Variants in NPHP4 observed in about 807,000 individuals in gnomAD.
The protein encoded by NPHP4 is nephrocystin 4.
Under a neutral mutation model 155.8 loss-of-function variants are expected in NPHP4, and 151 were observed. That is an observed-to-expected ratio of 0.97 (90% CI 0.85 to 1.11). The LOEUF (loss-of-function observed/expected upper bound fraction) is 1.11, where lower values mean the gene tolerates loss of function less well. NPHP4 is among the 50% of genes least tolerant of loss of function. NPHP4 has a pLI of 0.00. For synonymous variants in NPHP4, 845 were observed against 816.8 expected (o/e 1.03, Z -0.59); for missense variants, 1,956 against 1,925.7 (o/e 1.02, Z -0.29).
chr1:5,948,015 T>TCATC, intron 8 of NPHP4, 55 bp downstream of exon 8: 1 of 1,386,418 alleles, frequency 7.2e-7, no homozygotes. Flanking sequence ...TGACCTCATT[T>TCATC]CATCGTGATC....
At chr1:5,907,911 T>C (rs1049180782) in intron 12 of NPHP4, among the ~76,000 whole-genome samples, 15 of 152,200 alleles carry the variant, frequency 9.9e-5, no homozygotes, top group African/African-American at 1.7e-4. Context: ...CTGCAGATAT[T>C]TGGAAATGAG....
At chr1:5,990,650 T>C (rs1353012465) in intron 1 of NPHP4, among the ~76,000 whole-genome samples, 1 of 152,174 alleles carries the variant, frequency 6.6e-6, no homozygotes, top group Non-Finnish European at 1.5e-5. Context: ...TATAACTAGC[T>C]ATTATAATAG....
rs569603490 is a variant in NPHP4, at chr1:5,889,079, G to T, written c.2305-1613C>A. On this transcript the variant is annotated intron_variant, in intron 17 of 29. Coordinates refer to ENST00000378156, the MANE Select transcript of NPHP4 (RefSeq NM_015102.5). This position sits in a 1 kb window ranked among gnomAD's most constrained non-coding sequence, Gnocchi z 4.2. ...ACTGAAGGCAGCACAGGAGCCGTCC[G>T]TCCCTAGAGGAAACTCTTCTCATCG... 6.6e-5 allele frequency among the ~76,000 whole-genome samples: 10 copies of T among 152,180 alleles called. No homozygotes were observed. Among genetic ancestry groups the T allele is most frequent in the African/African-American group, 2.2e-4 (9 of 41,416 alleles).
intron 18 of NPHP4, among the ~76,000 whole-genome samples, chr1:5,886,252 T>G (rs957079305): frequency 2.0e-5 from 3 of 152,242 alleles, no homozygotes; most frequent in Admixed American, 1.3e-4. Flanking sequence ...GTGTCCATAT[T>G]GTCTATTTAC....
chr1:5,905,337 CA>C lies in NPHP4; in HGVS notation c.1909del (p.Cys637ValfsTer63). On this transcript the variant is annotated frameshift_variant, in exon 15 of 30. Coordinates refer to ENST00000378156, the MANE Select transcript of NPHP4 (RefSeq NM_015102.5). LOFTEE classifies it high-confidence loss of function. This position sits in a 1 kb window ranked among gnomAD's most constrained non-coding sequence, Gnocchi z 4.0. ...TFNPQKEESDCLQSNEMVLQF... is the reference protein window; with the variant it reads ...TFNPQKEESDXLQSNEMVLQF... ...TAGCACCATCTCGTTGCTTTGTAGACAATCTGATTCTTCCTTCTGAGGGTTA... is the reference window on the plus strand; with the variant it reads ...TAGCACCATCTCGTTGCTTTGTAGACATCTGATTCTTCCTTCTGAGGGTTA... 6.2e-7 allele frequency: 1 copy of C among 1,613,940 alleles called. No homozygotes were observed. Among genetic ancestry groups the C allele is most frequent in the South Asian group, 1.1e-5 (1 of 91,080 alleles).
rs748205454 is a variant in NPHP4, at chr1:5,888,600, T to G, written c.2305-1134A>C. On this transcript the variant is annotated intron_variant, in intron 17 of 29. Transcript: ENST00000378156. ...CAGTCACTGGGAGACTGAGAAGATA[T>G]GAGAAGTCTCCTTTAGGGAACAGCC... 4 of 1,351,054 alleles carry G rather than the reference T, an allele frequency of 3.0e-6. No individual in the cohort carries two copies. The African/African-American group carries it at 5.9e-5, about 20-fold the overall frequency. 83.7% of individuals were successfully genotyped at this position (1,351,054 alleles called of 1,614,324 possible).
intron 1 of NPHP4, among the ~76,000 whole-genome samples, chr1:5,988,176 C>A (rs1046794638): frequency 6.6e-6 from 1 of 152,252 alleles, no homozygotes; most frequent in Non-Finnish European, 1.5e-5. Context: ...ACGAAGAGTT[C>A]ATTCACATGG....
rs114545322 is a variant in NPHP4, at chr1:5,877,186, C to T, written c.2724G>A (p.Ser908=). The T allele has an allele frequency of 5.4e-3, 8,677 of 1,603,148 alleles. 369 individuals carry two copies. The African/African-American group carries it at 0.098, about 18-fold the overall frequency. Residue 908 remains serine (S), a synonymous_variant, in exon 20 of 30, where the codon TCG becomes TCA. Coordinates refer to ENST00000378156, the MANE Select transcript of NPHP4 (RefSeq NM_015102.5). ...CCAGCTTACGCCTGCGGGTGGCATC[C>T]GACTCGCGGCTGACGTCCTGGGGCC... The part of the protein sequence containing the change: ...GKGPQDVSRE[S]DATRRRKLER...
At chr1:5,969,332 C>T in intron 3 of NPHP4, 73 bp from the exon 4 acceptor site, 3 of 976,580 alleles carry the variant, frequency 3.1e-6, no homozygotes, top group Non-Finnish European at 4.4e-6. Context: ...GCTGTCCCCA[C>T]CCCCGAGACC....
At chr1:5,933,064 A>G (rs1646358436) in intron 10 of NPHP4, 83 bp downstream of exon 10, 3 of 1,127,802 alleles carry the variant, frequency 2.7e-6, no homozygotes, top group East Asian at 2.4e-5. Context: ...ATCTGCAAAC[A>G]TATTTGTGAA....
chr1:5,915,525 A>C (rs1645426860), intron 11 of NPHP4, among the ~76,000 whole-genome samples: 1 of 152,152 alleles, frequency 6.6e-6, no homozygotes, highest in Non-Finnish European at 1.5e-5. Flanking sequence ...AATGAACAAA[A>C]CCTAAGCAGA....
chr1:5,901,166 C>A (rs959669669), intron 16 of NPHP4, among the ~76,000 whole-genome samples: 6 of 152,112 alleles, frequency 3.9e-5, no homozygotes, highest in African/African-American at 1.4e-4. Flanking sequence ...TTTCTGTAAA[C>A]CTAAAACTGA....
rs771271850 is a variant in NPHP4, at chr1:5,875,053, G to A, written c.2865C>T (p.Ile955=). The change falls in exon 21 of 30, where the codon ATC becomes ATT. Residue 955 remains isoleucine, a synonymous_variant. Coordinates refer to ENST00000378156, the MANE Select transcript of NPHP4 (RefSeq NM_015102.5). ...RTQHLRDLQV[I]AAYRERTKAE... ...CCTTCGTGCGTTCCCGGTAGGCGGC[G>A]ATGACCTGTAGGTCCCGCAAGTGCT... 69 of 1,607,960 alleles carry A rather than the reference G, an allele frequency of 4.3e-5. No individual in the cohort carries two copies. The highest frequency in any genetic ancestry group is 5.0e-5 in the Admixed American group (3 of 59,986).
chr1:5,989,790 G>T (rs756792685), intron 1 of NPHP4, among the ~76,000 whole-genome samples: 38 of 152,344 alleles, frequency 2.5e-4, no homozygotes, highest in Non-Finnish European at 4.0e-4. Context: ...GGTGTCTGCA[G>T]GACTCAGTGC....
intron 2 of NPHP4, among the ~76,000 whole-genome samples, chr1:5,979,064 G>A (rs78640702): frequency 0.01 from 1,507 of 149,834 alleles, 7 homozygotes; most frequent in Middle Eastern, 0.024. Context: ...GGCAGCCAGA[G>A]TGTAGACAGG....
At chr1:5,914,433 C>CA (rs1392988096) in intron 11 of NPHP4, among the ~76,000 whole-genome samples, 4 of 151,962 alleles carry the variant, frequency 2.6e-5, no homozygotes, top group Admixed American at 6.6e-5. Flanking sequence ...GATCTTCTCT[C>CA]AAAAAAATAA....
In NPHP4 at chr1:5,877,298, C is replaced by G. The variant is rs2100678478; in HGVS notation, c.2612G>C (p.Arg871Pro). Residue 871 changes from arginine (R) to proline (P), a missense_variant and splice_region_variant, in exon 20 of 30, where the codon CGA becomes CCA. By Grantham distance (103) the Arg-to-Pro change is moderately radical. Coordinates refer to ENST00000378156, the MANE Select transcript of NPHP4 (RefSeq NM_015102.5). The stretch of plus-strand genomic sequence containing the variant: ...CTTCTGTGCTTGCACCACGTGTTTT[C>G]CTGCGAAAGGGTCAGAGCGCGAGTC... ...GSLLTTGSSRRKHVVQAQKLA... is the reference protein window; with the variant it reads ...GSLLTTGSSRPKHVVQAQKLA... 1 of 1,589,824 alleles carries G rather than the reference C, an allele frequency of 6.3e-7. No individual in the cohort carries two copies. Among genetic ancestry groups the G allele is most frequent in the East Asian group, 2.3e-5 (1 of 44,118 alleles).
Position 5,874,600 on chromosome 1 carries a change from T to C in NPHP4, c.3102A>G (p.Thr1034=). 1 of 1,611,682 alleles carries C rather than the reference T, an allele frequency of 6.2e-7. No homozygotes were observed. The highest frequency in any genetic ancestry group is 8.5e-7 in the Non-Finnish European group (1 of 1,179,296). The change falls in exon 22 of 30, where the codon ACA becomes ACG. Residue 1034 remains threonine, a synonymous_variant. Transcript: ENST00000378156. ...RDFKGAAGLH[T]PVEEDMFHLR... ...GGTGGAACATGTCCTCCTCCACCGG[T>C]GTGTGCAGGCCAGCAGCACCCTTGA...
chr1:5,983,911 C>T (rs1010704294), intron 2 of NPHP4, among the ~76,000 whole-genome samples: 1 of 152,112 alleles, frequency 6.6e-6, no homozygotes, highest in Admixed American at 6.5e-5. Context: ...AACCTGTTTA[C>T]GTCTTTATGC....
Sources: gnomAD v4.1 joint callset for allele counts (sites outside exome capture counted in the v4.1 genomes callset) on GRCh38, gnomAD v4.1.1 for gene constraint, Gnocchi (gnomAD v3.1) non-coding constraint, MANE v1.5 for transcripts, NCBI Gene and HGNC (gene_info 2026-07-23, HGNC 2026-07-21) for gene names.